GTF2F2: variants seen among roughly 807,000 people sequenced by gnomAD.
GTF2F2 encodes the protein general transcription factor IIF subunit 2, also known as ATP-dependent helicase GTF2F2.
A neutral mutation model predicts 42.2 loss-of-function variants in GTF2F2; 23 were observed. The observed-to-expected ratio is 0.55, with a 90% CI of 0.39 to 0.77. The LOEUF (loss-of-function observed/expected upper bound fraction) is 0.77. Ranked by LOEUF, GTF2F2 falls within the 30% of genes least tolerant of loss-of-function variation. The probability of loss-of-function intolerance (pLI) is 0.00; values close to 1 mark genes in which losing one functional copy is unlikely to be tolerated. For missense variants in GTF2F2, 261 were observed against 287.2 expected (o/e 0.91, Z 0.66); for synonymous variants, 105 against 100.8 (o/e 1.04, Z -0.25).
chr13:45,191,255 A>ATATATATGGC lies in GTF2F2; in HGVS notation c.305-16169_305-16168insTATATATGGC, dbSNP rs1260872563. ...TATATATATATATATATATATATAT[A>ATATATATGGC]GCCATAATCTCACATTTTAAGGATG... is the stretch of plus-strand genomic sequence containing the variant. On this transcript the variant is annotated intron_variant, in intron 4 of 7. Coordinates refer to ENST00000340473, the MANE Select transcript of GTF2F2 (RefSeq NM_004128.3). Among the ~76,000 whole-genome samples, 34 of 136,528 alleles carry ATATATATGGC rather than the reference A, an allele frequency of 2.5e-4. 1 individual carries two copies. Among genetic ancestry groups the ATATATATGGC allele is most frequent in the African/African-American group, 4.7e-4 (16 of 33,874 alleles). The allele number at this position is 136,528 out of a possible 152,430, so 89.6% of individuals were successfully genotyped here. A position where few individuals can be genotyped will look rare whatever the true frequency, so the allele number is the denominator to read the frequency against.
At chr13:45,158,199 A>G (rs1870859595) in intron 4 of GTF2F2, among the ~76,000 whole-genome samples, 1 of 152,302 alleles carries the variant, frequency 6.6e-6, no homozygotes. Flanking sequence ...TAATTGAATC[A>G]TGGAGGCAGC....
chr13:45,198,777 A>G (rs1873031931), intron 4 of GTF2F2, among the ~76,000 whole-genome samples: 1 of 151,462 alleles, frequency 6.6e-6, no homozygotes, highest in Non-Finnish European at 1.5e-5. Flanking sequence ...TTTTTTTTTA[A>G]CATGTACTTG....
chr13:45,171,492 C>T (rs1175738227), intron 4 of GTF2F2, among the ~76,000 whole-genome samples: 1 of 152,086 alleles, frequency 6.6e-6, no homozygotes, highest in Non-Finnish European at 1.5e-5. Context: ...TAAGAAGGAT[C>T]CCTATTGAAA....
intron 2 of GTF2F2, among the ~76,000 whole-genome samples, chr13:45,146,100 A>G (rs1163851372): frequency 6.6e-6 from 1 of 152,074 alleles, no homozygotes; most frequent in Non-Finnish European, 1.5e-5. Context: ...CATTTGGACT[A>G]TGACCATCCT....
chr13:45,194,332 A>T, intron 4 of GTF2F2: 1 of 1,614,178 alleles, frequency 6.2e-7, no homozygotes, highest in Non-Finnish European at 8.5e-7. Context: ...ATCCCTGTCT[A>T]TGAAATAATG....
intron 1 of GTF2F2, among the ~76,000 whole-genome samples, chr13:45,124,539 G>T (rs896677871): frequency 6.6e-6 from 1 of 151,674 alleles, no homozygotes; most frequent in Non-Finnish European, 1.5e-5. Flanking sequence ...TGTATTTTTA[G>T]TAGAGATGGG....
intron 6 of GTF2F2, among the ~76,000 whole-genome samples, chr13:45,257,893 G>A (rs991327340): frequency 3.3e-5 from 5 of 152,060 alleles, no homozygotes; most frequent in African/African-American, 1.2e-4. Context: ...CAGCTTTTTA[G>A]CATTGGTGCT....
At chr13:45,132,139 T>G (rs186811941) in intron 1 of GTF2F2, among the ~76,000 whole-genome samples, 3 of 152,348 alleles carry the variant, frequency 2.0e-5, no homozygotes, top group Admixed American at 2.0e-4. Context: ...GTATTAATTA[T>G]CTATTGGTAT....
intron 1 of GTF2F2, among the ~76,000 whole-genome samples, chr13:45,131,308 T>C (rs1289351898): frequency 6.6e-6 from 1 of 151,822 alleles, no homozygotes; most frequent in Non-Finnish European, 1.5e-5. Flanking sequence ...AATCTAGATG[T>C]GGAGACCAAA....
At chr13:45,173,125 G>C (rs1479854212) in intron 4 of GTF2F2, among the ~76,000 whole-genome samples, 4 of 151,920 alleles carry the variant, frequency 2.6e-5, no homozygotes, top group Admixed American at 2.6e-4. Context: ...CATAGATATA[G>C]AAAAAAGTGT....
intron 2 of GTF2F2, among the ~76,000 whole-genome samples, chr13:45,141,695 G>GT (rs199781021): frequency 2.6e-4 from 39 of 151,770 alleles, no homozygotes; most frequent in African/African-American, 8.0e-4. Context: ...CTACTTTCTT[G>GT]TTTTTTTTCC....
intron 1 of GTF2F2, among the ~76,000 whole-genome samples, chr13:45,129,586 A>C (rs1158748648): frequency 2.0e-5 from 3 of 152,168 alleles, no homozygotes; most frequent in African/African-American, 7.2e-5. Flanking sequence ...TAAATTATAT[A>C]TCCTAGGTAT....
intron 7 of GTF2F2, among the ~76,000 whole-genome samples, chr13:45,268,523 G>A (rs548418404): frequency 6.6e-6 from 1 of 152,042 alleles, no homozygotes; most frequent in Non-Finnish European, 1.5e-5. Context: ...TCATGGTGGA[G>A]TATTATCAAT....
At chr13:45,139,647 G>A (rs754910897) in intron 2 of GTF2F2, among the ~76,000 whole-genome samples, 2 of 152,078 alleles carry the variant, frequency 1.3e-5, no homozygotes, top group Non-Finnish European at 1.5e-5. Context: ...CTTTTGTGTT[G>A]TTATTTATTC....
chr13:45,168,910 CCT>C lies in GTF2F2; in HGVS notation c.304+17080_304+17081del, dbSNP rs1325199469. Among the ~76,000 whole-genome samples the C allele has an allele frequency of 1.8e-3, 174 of 96,400 alleles. 2 individuals are homozygous for C. The highest frequency in any genetic ancestry group is 6.5e-3 in the African/African-American group (163 of 25,186). 63.2% of individuals were successfully genotyped at this position (96,400 alleles called of 152,430 possible). A position where few individuals can be genotyped will look rare whatever the true frequency, so the allele number is the denominator to read the frequency against. On this transcript the variant is annotated intron_variant, in intron 4 of 7. Coordinates refer to ENST00000340473, the MANE Select transcript of GTF2F2 (RefSeq NM_004128.3). Reference sequence around the variant, plus strand: ...CTCCCTCCCTCCCTCCCTCCCTCCTCCTTCCTTCCCTCCCTCCCTCCTTCCCT... The same window carrying C: ...CTCCCTCCCTCCCTCCCTCCCTCCTCTCCTTCCCTCCCTCCCTCCTTCCCT...
At chr13:45,196,397 T>C (rs1316063880) in intron 4 of GTF2F2, among the ~76,000 whole-genome samples, 1 of 152,242 alleles carries the variant, frequency 6.6e-6, no homozygotes, top group Non-Finnish European at 1.5e-5. Flanking sequence ...CAATCTCATG[T>C]TTGTCTTGAT....
At chr13:45,268,601 ATTT>A (rs889999442) in intron 7 of GTF2F2, among the ~76,000 whole-genome samples, 1 of 151,922 alleles carries the variant, frequency 6.6e-6, no homozygotes, top group Non-Finnish European at 1.5e-5. Flanking sequence ...TAGATTAAAA[ATTT>A]TTTTTGAAAT....
chr13:45,241,618 T>C (rs966788171), intron 5 of GTF2F2, among the ~76,000 whole-genome samples: 14 of 152,200 alleles, frequency 9.2e-5, no homozygotes, highest in Admixed American at 3.9e-4. Context: ...AAGTCAATAA[T>C]GGAGTATTTT....
intron 2 of GTF2F2, among the ~76,000 whole-genome samples, chr13:45,137,619 T>C (rs543261997): frequency 1.3e-5 from 2 of 152,332 alleles, no homozygotes; most frequent in South Asian, 4.1e-4. Flanking sequence ...GGGCAACAGC[T>C]ATTTATTTCA....
Sources: gnomAD v4.1 joint callset for allele counts (sites outside exome capture counted in the v4.1 genomes callset) on GRCh38, gnomAD v4.1.1 for gene constraint, MANE v1.5 for transcripts, NCBI Gene and HGNC (gene_info 2026-07-23, HGNC 2026-07-21) for gene names.